The following CCAR1 variants were observed in gnomAD, a reference collection of about 807,000 sequenced individuals.
CCAR1 encodes cell division cycle and apoptosis regulator protein 1.
CCAR1 carries 78 observed loss-of-function variants against 163.8 expected under a neutral mutation model. The observed-to-expected ratio is 0.48, with a 90% CI of 0.40 to 0.57. The LOEUF is 0.57. Ranked by LOEUF, CCAR1 falls within the 20% of genes least tolerant of loss-of-function variation. The probability of loss-of-function intolerance (pLI) is 0.00; values close to 1 mark genes in which losing one functional copy is unlikely to be tolerated. For missense variants in CCAR1, 1,019 were observed against 1,365.2 expected (o/e 0.75, Z 4.00); for synonymous variants, 443 against 460.7 (o/e 0.96, Z 0.49).
intron 6 of CCAR1, among the ~76,000 whole-genome samples, chr10:68,743,341 T>C (rs932989263): frequency 1.3e-5 from 2 of 151,464 alleles, no homozygotes; most frequent in African/African-American, 4.9e-5. Flanking sequence ...AATTTTTGTA[T>C]TTTTAGTAGA....
intron 19 of CCAR1, among the ~76,000 whole-genome samples, chr10:68,779,794 T>G (rs186699123): frequency 6.6e-6 from 1 of 152,324 alleles, no homozygotes; most frequent in Non-Finnish European, 1.5e-5. Flanking sequence ...TGAATAGGAA[T>G]AGAGAATTAT....
chr10:68,742,346 C>T, intron 5 of CCAR1, 30 bp from the exon 6 acceptor site: 1 of 1,528,942 alleles, frequency 6.5e-7, no homozygotes, highest in Non-Finnish European at 8.9e-7. Flanking sequence ...CAAATCATTA[C>T]CTTAATTTGA....
chr10:68,730,145 C>T (rs906401904), intron 2 of CCAR1, among the ~76,000 whole-genome samples: 5 of 151,900 alleles, frequency 3.3e-5, no homozygotes, highest in Non-Finnish European at 7.4e-5. Context: ...TGGTCTCAAA[C>T]TCCTAACCCC....
intron 2 of CCAR1, among the ~76,000 whole-genome samples, chr10:68,733,218 T>C (rs2056064301): frequency 6.6e-6 from 1 of 151,768 alleles, no homozygotes; most frequent in African/African-American, 2.4e-5. Context: ...GACACCAGCC[T>C]GGGCAACATA....
At chr10:68,723,223 G>T (rs187684338) in intron 2 of CCAR1, among the ~76,000 whole-genome samples, 1 of 150,804 alleles carries the variant, frequency 6.6e-6, no homozygotes, top group Non-Finnish European at 1.5e-5. Flanking sequence ...CCGGGTTCAC[G>T]CCATTCTCCT....
chr10:68,732,336 T>TTTTGTTTG lies in CCAR1; in HGVS notation c.74-4515_74-4508dup, dbSNP rs57833784. On this transcript the variant is annotated intron_variant, in intron 2 of 24. Coordinates refer to ENST00000265872, the MANE Select transcript of CCAR1 (RefSeq NM_018237.4). The stretch of plus-strand genomic sequence containing the variant: ...AATTTTTTTTCTATTACCAGAACAG[T>TTTTGTTTG]TTTGTTTGTTTGTTTGTTTGTTTGT... Among the ~76,000 whole-genome samples the TTTTGTTTG allele has an allele frequency of 4.3e-3, 649 of 151,644 alleles. 8 individuals are homozygous for TTTTGTTTG. Among genetic ancestry groups the TTTTGTTTG allele is most frequent in the African/African-American group, 0.015 (601 of 41,272 alleles).
intron 16 of CCAR1, among the ~76,000 whole-genome samples, chr10:68,763,443 G>T (rs186933124): frequency 6.7e-6 from 1 of 149,878 alleles, no homozygotes; most frequent in South Asian, 2.1e-4. Context: ...ATTACATTGC[G>T]CCCAGCCTTA....
chr10:68,736,849 A>T (rs768753701), intron 2 of CCAR1, 27 bp from the exon 3 acceptor site: 1 of 1,583,324 alleles, frequency 6.3e-7, no homozygotes, highest in Admixed American at 1.9e-5. Flanking sequence ...CTTGATTTTT[A>T]TTTTTTCCTT....
At chr10:68,734,845 A>G (rs1205841613) in intron 2 of CCAR1, among the ~76,000 whole-genome samples, 1 of 152,110 alleles carries the variant, frequency 6.6e-6, no homozygotes, top group Non-Finnish European at 1.5e-5. Flanking sequence ...TTCTGCATTT[A>G]ATGGAATTGG....
intron 2 of CCAR1, among the ~76,000 whole-genome samples, chr10:68,733,015 G>A (rs558655022): frequency 6.6e-6 from 1 of 152,152 alleles, no homozygotes; most frequent in South Asian, 2.1e-4. Context: ...AATTAATACT[G>A]GTGTTAAGAT....
intron 9 of CCAR1, 44 bp downstream of exon 9, chr10:68,749,309 C>T: frequency 6.5e-7 from 1 of 1,545,598 alleles, no homozygotes; most frequent in South Asian, 1.2e-5. Context: ...AATGGTTGTA[C>T]AACAATGGAA....
At chr10:68,753,806 C>G in intron 10 of CCAR1, 46 bp from the exon 11 acceptor site, 1 of 1,364,606 alleles carries the variant, frequency 7.3e-7, no homozygotes, top group South Asian at 1.2e-5. Context: ...TTTGTGTAAC[C>G]TTTTTTATTA....
At chr10:68,782,954 A>G (rs897495104) in intron 19 of CCAR1, among the ~76,000 whole-genome samples, 2 of 151,840 alleles carry the variant, frequency 1.3e-5, no homozygotes, top group African/African-American at 2.4e-5. Flanking sequence ...CATGGCTGCA[A>G]CATCTATTCT....
At chr10:68,782,425 A>G (rs2056747729) in intron 19 of CCAR1, among the ~76,000 whole-genome samples, 1 of 151,838 alleles carries the variant, frequency 6.6e-6, no homozygotes, top group South Asian at 2.1e-4. Flanking sequence ...GGGCGGGTAA[A>G]AAAAAAAAGG....
At chr10:68,742,910 G>A (rs530560936) in intron 6 of CCAR1, among the ~76,000 whole-genome samples, 4 of 152,066 alleles carry the variant, frequency 2.6e-5, no homozygotes, top group Non-Finnish European at 5.9e-5. Context: ...GAGACACTGC[G>A]CCTGGCCAGT....
chr10:68,746,937 A>G (rs994380286), intron 6 of CCAR1, among the ~76,000 whole-genome samples: 5 of 151,958 alleles, frequency 3.3e-5, no homozygotes, highest in Admixed American at 1.3e-4. Flanking sequence ...ACATGTGCAC[A>G]ATGTGCAGGT....
At chr10:68,787,486 GT>G (rs200884383) in intron 21 of CCAR1, among the ~76,000 whole-genome samples, 7 of 149,396 alleles carry the variant, frequency 4.7e-5, no homozygotes, top group Middle Eastern at 6.9e-3. Context: ...TAACAATGAA[GT>G]TTTTTTTTTC....
intron 19 of CCAR1, among the ~76,000 whole-genome samples, chr10:68,774,710 G>A (rs932660648): frequency 6.6e-6 from 1 of 151,870 alleles, no homozygotes; most frequent in African/African-American, 2.4e-5. Context: ...GAGTTTAAAG[G>A]CTAATAGTAA....
Position 68,756,175 on chromosome 10 carries a change from G to A in CCAR1, c.1626-98G>A. ...TTCTTTAGACCAACCTCAAGTTCTT[G>A]CAGCAAAATTTCTTTACTTGATGTG... On this transcript the variant is annotated intron_variant, in intron 13 of 24. Transcript: ENST00000265872. This position sits in a 1 kb window ranked among gnomAD's most constrained non-coding sequence, Gnocchi z 5.1. 2 of 900,186 alleles carry A rather than the reference G, an allele frequency of 2.2e-6. No homozygotes were observed. The highest frequency in any genetic ancestry group is 2.7e-5 in the Admixed American group (1 of 36,730). 55.8% of individuals were successfully genotyped at this position (900,186 alleles called of 1,614,324 possible).
Sources: allele counts gnomAD v4.1 joint callset (sites outside exome capture counted in the v4.1 genomes callset), GRCh38; gene constraint gnomAD v4.1.1; non-coding constraint Gnocchi (gnomAD v3.1); transcripts MANE v1.5; gene names NCBI Gene and HGNC (gene_info 2026-07-23, HGNC 2026-07-21).